The following BIRC6 variants were observed in gnomAD, a reference collection of about 807,000 sequenced individuals.
BIRC6 encodes dual E2 ubiquitin-conjugating enzyme/E3 ubiquitin-protein ligase BIRC6.
BIRC6 carries 98 observed loss-of-function variants against 503.3 expected under a neutral mutation model. The ratio of observed to expected loss-of-function variants is 0.19; its 90% CI spans 0.17 to 0.23. The LOEUF is 0.23. BIRC6 is among the 10% of genes least tolerant of loss of function. The pLI is 1.00. For missense variants in BIRC6, 5,360 were observed against 5,806.0 expected (o/e 0.92, Z 2.50); for synonymous variants, 2,240 against 2,078.7 (o/e 1.08, Z -2.11).
In BIRC6 at chr2:32,493,646, T is replaced by C. The variant is rs759960079; in HGVS notation, c.8447T>C (p.Ile2816Thr). Residue 2816 changes from isoleucine (I) to threonine (T), a missense_variant, in exon 45 of 74, where the codon ATT becomes ACT. This residue lies in a region of BIRC6 where 2,299 missense variants were observed against 2,267.2 expected (regional missense o/e 1.01). Transcript: ENST00000421745. ...TTCAGTGAATTTTTGCTCAAGCTAA[T>C]TCATATACTTTCAACTGAAAGGTAA... Reference protein sequence around the residue: ...QIFSEFLLKLIHILSTERGAF... With the variant: ...QIFSEFLLKLTHILSTERGAF... 1 of 1,604,674 alleles carries C rather than the reference T, an allele frequency of 6.2e-7. No homozygotes were observed. The highest frequency in any genetic ancestry group is 1.3e-5 in the African/African-American group (1 of 74,966).
intron 50 of BIRC6, 94 bp from the exon 51 acceptor site, chr2:32,507,886 A>C: frequency 8.3e-7 from 1 of 1,200,400 alleles, no homozygotes; most frequent in South Asian, 1.7e-5. Context: ...TGATGAATAC[A>C]ACTGTGAAAG....
At chr2:32,578,012 C>CTT (rs2060378397) in intron 66 of BIRC6, among the ~76,000 whole-genome samples, 1 of 152,044 alleles carries the variant, frequency 6.6e-6, no homozygotes, top group Non-Finnish European at 1.5e-5. Flanking sequence ...TTTAGTAATT[C>CTT]TTTTTACTGA....
chr2:32,520,646 A>G (rs551008089), intron 57 of BIRC6, among the ~76,000 whole-genome samples: 4 of 152,280 alleles, frequency 2.6e-5, no homozygotes, highest in East Asian at 3.9e-4. Context: ...GGGGAAACAC[A>G]TGTCTACTAA....
At chr2:32,498,601 T>G (rs775743476) in intron 45 of BIRC6, among the ~76,000 whole-genome samples, 9 of 152,276 alleles carry the variant, frequency 5.9e-5, no homozygotes, top group Admixed American at 2.0e-4. Context: ...CTTTGTTTGT[T>G]TTTTGAAATA....
chr2:32,563,139 C>A (rs989618146), intron 65 of BIRC6, among the ~76,000 whole-genome samples: 2 of 152,160 alleles, frequency 1.3e-5, no homozygotes, highest in Non-Finnish European at 2.9e-5. Flanking sequence ...TTGGTTGGAA[C>A]AATGTGTCCT....
chr2:32,601,586 A>C (rs1397676502), intron 70 of BIRC6, among the ~76,000 whole-genome samples: 1 of 152,246 alleles, frequency 6.6e-6, no homozygotes, highest in African/African-American at 2.4e-5. Context: ...TGTCTAAAAA[A>C]AAAAAGAACC....
At chr2:32,393,448 C>T (rs1238177906) in intron 5 of BIRC6, among the ~76,000 whole-genome samples, 1 of 152,138 alleles carries the variant, frequency 6.6e-6, no homozygotes, top group African/African-American at 2.4e-5. Context: ...GTTACCACTG[C>T]TAAAAGAATC....
intron 65 of BIRC6, among the ~76,000 whole-genome samples, chr2:32,549,846 C>T (rs941911253): frequency 2.0e-5 from 3 of 152,080 alleles, no homozygotes; most frequent in Non-Finnish European, 2.9e-5. Flanking sequence ...CAAACACTAT[C>T]GCAGACAACA....
chr2:32,594,581 G>A (rs541764934), intron 67 of BIRC6, among the ~76,000 whole-genome samples: 134 of 152,124 alleles, frequency 8.8e-4, no homozygotes, highest in African/African-American at 3.1e-3. Context: ...CTGTGGTCCC[G>A]GCTACCTGGA....
intron 65 of BIRC6, chr2:32,563,448 A>C (rs879469437): frequency 6.6e-6 from 1 of 152,208 alleles, no homozygotes; most frequent in Admixed American, 6.5e-5. Context: ...AGTTGAAAAG[A>C]GGCTACATGA....
Position 32,471,215 on chromosome 2 carries a change from C to T in BIRC6, c.6592+91C>T, listed in dbSNP as rs975407623. ...GAGTGACTTCGCAGTTGTTCCAGAACTGGCTATTGGCCTGGAGCTACCAGC... is the reference window on the plus strand; with the variant it reads ...GAGTGACTTCGCAGTTGTTCCAGAATTGGCTATTGGCCTGGAGCTACCAGC... On this transcript the variant is annotated intron_variant, in intron 32 of 73. Coordinates refer to ENST00000421745, the MANE Select transcript of BIRC6 (RefSeq NM_016252.4). 4 of 1,496,732 alleles carry T rather than the reference C, an allele frequency of 2.7e-6. No individual in the cohort carries two copies. The African/African-American group carries it at 5.6e-5, about 21-fold the overall frequency. 92.7% of individuals were successfully genotyped at this position (1,496,732 alleles called of 1,614,324 possible).
chr2:32,392,735 C>T (rs1339788769), intron 5 of BIRC6, among the ~76,000 whole-genome samples: 1 of 151,956 alleles, frequency 6.6e-6, no homozygotes, highest in Non-Finnish European at 1.5e-5. Flanking sequence ...GTGATCCGCC[C>T]ACCTCAGCCT....
chr2:32,447,365 G>T (rs1294536543), intron 21 of BIRC6, among the ~76,000 whole-genome samples: 2 of 149,424 alleles, frequency 1.3e-5, no homozygotes, highest in East Asian at 2.0e-4. Flanking sequence ...GGATGGGGCG[G>T]CTGGCCGGGC....
intron 68 of BIRC6, among the ~76,000 whole-genome samples, chr2:32,596,706 G>T (rs939425150): frequency 8.5e-5 from 13 of 152,074 alleles, no homozygotes; most frequent in Non-Finnish European, 1.6e-4. Flanking sequence ...TTTAGATTTC[G>T]TTCCGCTTCC....
At chr2:32,498,095 T>C (rs1182462483) in intron 45 of BIRC6, among the ~76,000 whole-genome samples, 12 of 152,226 alleles carry the variant, frequency 7.9e-5, no homozygotes, top group African/African-American at 2.9e-4. Flanking sequence ...GTTTGTTTGC[T>C]CTGTCGCACA....
intron 72 of BIRC6, among the ~76,000 whole-genome samples, chr2:32,609,403 A>G (rs2062701965): frequency 6.6e-6 from 1 of 152,086 alleles, no homozygotes; most frequent in Admixed American, 6.6e-5. Context: ...TTAGCATCAC[A>G]ACTTGCTGTG....
At chr2:32,360,653 C>T (rs2033927367) in intron 1 of BIRC6, among the ~76,000 whole-genome samples, 2 of 152,128 alleles carry the variant, frequency 1.3e-5, no homozygotes, top group Admixed American at 6.6e-5. Context: ...ATCCCTTTAG[C>T]CAGAAATGAC....
intron 23 of BIRC6, among the ~76,000 whole-genome samples, chr2:32,461,072 C>T (rs150799671): frequency 0.18 from 1,254 of 7,060 alleles, 12 homozygotes; most frequent in African/African-American, 0.26. Context: ...CTTCTGTTCT[C>T]CTCTCCTCTC....
chr2:32,487,897 A>G (rs1287039474), intron 41 of BIRC6, 96 bp downstream of exon 41: 4 of 1,040,558 alleles, frequency 3.8e-6, no homozygotes, highest in Non-Finnish European at 5.6e-6. Context: ...CCTGTCAGGG[A>G]TGATTTCTTT....
Sources: gnomAD v4.1 joint callset for allele counts (sites outside exome capture counted in the v4.1 genomes callset) on GRCh38, gnomAD v4.1.1 for gene constraint, gnomAD v4.1.1 regional missense constraint, MANE v1.5 for transcripts, NCBI Gene and HGNC (gene_info 2026-07-23, HGNC 2026-07-21) for gene names.